Variants in ANKRD6 observed in about 807,000 individuals in gnomAD.
ANKRD6 encodes ankyrin repeat domain 6, also known as ankyrin repeat domain-containing protein 6.
Under a neutral mutation model 82.3 loss-of-function variants are expected in ANKRD6, and 56 were observed. The ratio of observed to expected loss-of-function variants is 0.68; its 90% confidence interval spans 0.55 to 0.85. The LOEUF (loss-of-function observed/expected upper bound fraction) is 0.85, where lower values mean the gene tolerates loss of function less well. Ranked by LOEUF, ANKRD6 falls within the 40% of genes least tolerant of loss-of-function variation. The pLI is 0.00. For missense variants in ANKRD6, 852 were observed against 907.6 expected (o/e 0.94, Z 0.79); for synonymous variants, 347 against 352.1 (o/e 0.99, Z 0.16).
rs982275562 is a variant in ANKRD6, at chr6:89,621,774, G to C, written c.793-148G>C. On this transcript the variant is annotated intron_variant, in intron 9 of 15. Transcript: ENST00000339746. Reference sequence around the variant, plus strand: ...ACAAGACCTAGGAGGATGGTAGGTGGTCCAGAGGTGCTTGCTTGATGTGAA... The same window carrying C: ...ACAAGACCTAGGAGGATGGTAGGTGCTCCAGAGGTGCTTGCTTGATGTGAA... The C allele has an allele frequency of 5.6e-5, 41 of 737,062 alleles. No homozygotes were observed. The African/African-American group carries it at 7.0e-4, about 13-fold the overall frequency. The allele number at this position is 737,062 out of a possible 1,614,324, so 45.7% of individuals were successfully genotyped here. A position where few individuals can be genotyped will look rare whatever the true frequency, so the allele number is the denominator to read the frequency against.
intron 1 of ANKRD6, among the ~76,000 whole-genome samples, chr6:89,559,015 CATAATT>C (rs1016104980): frequency 6.6e-6 from 1 of 152,052 alleles, no homozygotes; most frequent in Admixed American, 6.6e-5. Flanking sequence ...AGCATAAAAC[CATAATT>C]ATAATTAATT....
intron 5 of ANKRD6, among the ~76,000 whole-genome samples, chr6:89,608,144 AG>A (rs1321393340): frequency 6.6e-6 from 1 of 152,236 alleles, no homozygotes; most frequent in Non-Finnish European, 1.5e-5. Context: ...TGAGGTAAGA[AG>A]GGTCATAAAA....
intron 1 of ANKRD6, among the ~76,000 whole-genome samples, chr6:89,484,352 T>A (rs1171024349): frequency 6.6e-6 from 1 of 152,224 alleles, no homozygotes; most frequent in Admixed American, 6.5e-5. Flanking sequence ...TTATTTTTTT[T>A]ATAAGTCCTT....
At chr6:89,435,358 G>T (rs186051281) in intron 1 of ANKRD6, among the ~76,000 whole-genome samples, 1 of 152,064 alleles carries the variant, frequency 6.6e-6, no homozygotes, top group African/African-American at 2.4e-5. Flanking sequence ...CTCACTTCTC[G>T]CCTCCCACCC....
At chr6:89,515,241 C>T (rs1377425476) in intron 1 of ANKRD6, among the ~76,000 whole-genome samples, 1 of 152,182 alleles carries the variant, frequency 6.6e-6, no homozygotes, top group East Asian at 1.9e-4. Flanking sequence ...GGGTGTCCAA[C>T]TGAAGTCTGG....
chr6:89,477,068 C>T (rs567669692), intron 1 of ANKRD6, among the ~76,000 whole-genome samples: 4 of 152,192 alleles, frequency 2.6e-5, no homozygotes, highest in African/African-American at 7.2e-5. Flanking sequence ...CCTCAGCCTC[C>T]CAAGTAGCTG....
chr6:89,532,963 T>A (rs1583129833), intron 1 of ANKRD6, among the ~76,000 whole-genome samples: 1 of 151,604 alleles, frequency 6.6e-6, no homozygotes, highest in East Asian at 1.9e-4. Flanking sequence ...AACCTCCGCC[T>A]CCCAGGTTCA....
intron 7 of ANKRD6, among the ~76,000 whole-genome samples, chr6:89,614,838 GAAAAAAAAAAAAAC>G (rs1801115333): frequency 7.7e-6 from 1 of 130,446 alleles, no homozygotes; most frequent in Admixed American, 7.8e-5. Context: ...CTCTTTAAAG[GAAAAAAAAAAAAAC>G]AAAAAAAAAA....
chr6:89,537,735 A>G, intron 1 of ANKRD6, among the ~76,000 whole-genome samples: 1 of 152,002 alleles, frequency 6.6e-6, no homozygotes, highest in Non-Finnish European at 1.5e-5. Context: ...GTCTCTACAA[A>G]AAGAAGAAAA....
At chr6:89,526,157 A>T (rs756045181) in intron 1 of ANKRD6, among the ~76,000 whole-genome samples, 1 of 152,214 alleles carries the variant, frequency 6.6e-6, no homozygotes, top group Non-Finnish European at 1.5e-5. Context: ...AGTCTCTCAG[A>T]TCACACTGCC....
rs563423454 is a variant in ANKRD6, at chr6:89,567,948, A to G, written c.120+852A>G. Among the ~76,000 whole-genome samples the G allele has an allele frequency of 9.2e-5, 14 of 152,340 alleles. No individual in the cohort carries two copies. The East Asian group carries it at 2.5e-3, about 27-fold the overall frequency. On this transcript the variant is annotated intron_variant, in intron 2 of 15. Transcript: ENST00000339746. ...AAGAGGGGCAAAGTTTAATTTTCAT[A>G]GAAGGTCACCTGTTAACTTCTGACC...
intron 1 of ANKRD6, among the ~76,000 whole-genome samples, chr6:89,550,818 T>C (rs1583229947): frequency 6.6e-6 from 1 of 152,016 alleles, no homozygotes; most frequent in East Asian, 1.9e-4. Context: ...TAGCAGGGCA[T>C]GGTGGCGGGC....
At chr6:89,594,878 G>A (rs1795569190) in intron 2 of ANKRD6, among the ~76,000 whole-genome samples, 1 of 151,952 alleles carries the variant, frequency 6.6e-6, no homozygotes, top group Non-Finnish European at 1.5e-5. Context: ...AGGTAGCTGG[G>A]ACTACAGGCA....
At chr6:89,477,768 C>T (rs1298129887) in intron 1 of ANKRD6, among the ~76,000 whole-genome samples, 6 of 124,566 alleles carry the variant, frequency 4.8e-5, no homozygotes, top group Non-Finnish European at 6.5e-5. Context: ...GAGACTCCGT[C>T]TCAAAAAAAA....
intron 3 of ANKRD6, 35 bp from the exon 4 acceptor site, chr6:89,602,994 C>A: frequency 6.5e-7 from 1 of 1,544,646 alleles, no homozygotes; most frequent in Non-Finnish European, 8.8e-7. Flanking sequence ...TGCAGGGGAG[C>A]TGACTGCTGT....
At chr6:89,482,001 A>G (rs1302284207) in intron 1 of ANKRD6, among the ~76,000 whole-genome samples, 1 of 152,134 alleles carries the variant, frequency 6.6e-6, no homozygotes, top group Non-Finnish European at 1.5e-5. Flanking sequence ...TTCCAGGAGG[A>G]AAGATTTTTA....
At chr6:89,607,169 CA>C (rs68129491) in intron 5 of ANKRD6, among the ~76,000 whole-genome samples, 4,831 of 135,840 alleles carry the variant, frequency 0.036, 99 homozygotes, top group South Asian at 0.074. Flanking sequence ...GACCCGGTCT[CA>C]AAAAAAAAAA....
intron 1 of ANKRD6, among the ~76,000 whole-genome samples, chr6:89,473,894 C>T (rs769768654): frequency 6.6e-6 from 1 of 152,082 alleles, no homozygotes; most frequent in Admixed American, 6.6e-5. Context: ...GCAGGAGACT[C>T]GCTTGAACCC....
intron 2 of ANKRD6, among the ~76,000 whole-genome samples, chr6:89,590,304 C>T (rs1213811687): frequency 2.0e-5 from 3 of 152,018 alleles, no homozygotes; most frequent in African/African-American, 7.2e-5. Context: ...CTGTAGCTGT[C>T]CAGGGAGGGT....
Sources: allele counts gnomAD v4.1 joint callset (sites outside exome capture counted in the v4.1 genomes callset), GRCh38; gene constraint gnomAD v4.1.1; transcripts MANE v1.5; gene names NCBI Gene and HGNC (gene_info 2026-07-23, HGNC 2026-07-21).